The following GRM8 variants were observed in gnomAD, a reference collection of about 807,000 sequenced individuals.
GRM8 encodes metabotropic glutamate receptor 8.
A neutral mutation model predicts 87.2 loss-of-function variants in GRM8; 47 were observed. The ratio of observed to expected loss-of-function variants is 0.54; its 90% CI spans 0.43 to 0.69. GRM8 has a LOEUF of 0.69. GRM8 is among the 30% of genes least tolerant of loss of function. GRM8 has a pLI of 0.00. For missense variants in GRM8, 1,019 were observed against 1,139.2 expected (o/e 0.89, Z 1.52); for synonymous variants, 396 against 404.5 (o/e 0.98, Z 0.25).
At chr7:126,787,721 A>C (rs1415578708) in intron 6 of GRM8, among the ~76,000 whole-genome samples, 1 of 151,486 alleles carries the variant, frequency 6.6e-6, no homozygotes, top group Non-Finnish European at 1.5e-5. Flanking sequence ...CTTCTTCATA[A>C]CCTTCTCTTG....
At chr7:127,092,768 C>T (rs924789969) in intron 3 of GRM8, among the ~76,000 whole-genome samples, 2 of 152,200 alleles carry the variant, frequency 1.3e-5, no homozygotes, top group African/African-American at 2.4e-5. Context: ...AGGACATGCA[C>T]GGATTCCAGG....
chr7:126,889,682 C>A (rs1396630811), intron 6 of GRM8, among the ~76,000 whole-genome samples: 2 of 152,006 alleles, frequency 1.3e-5, no homozygotes, highest in South Asian at 2.1e-4. Context: ...TTTAATAAAT[C>A]AAATCACATT....
intron 2 of GRM8, among the ~76,000 whole-genome samples, chr7:127,166,880 A>T (rs1416589376): frequency 6.6e-6 from 1 of 152,174 alleles, no homozygotes; most frequent in African/African-American, 2.4e-5. Flanking sequence ...GTCACCTTCA[A>T]GTGCCCTCTG....
intron 9 of GRM8, among the ~76,000 whole-genome samples, chr7:126,527,167 T>G (rs1166845994): frequency 6.6e-6 from 1 of 152,170 alleles, no homozygotes; most frequent in Non-Finnish European, 1.5e-5. Flanking sequence ...GAGACCAGCC[T>G]GGCCAATATG....
chr7:126,744,579 A>G (rs1018186118), intron 7 of GRM8, among the ~76,000 whole-genome samples: 5 of 152,064 alleles, frequency 3.3e-5, no homozygotes, highest in African/African-American at 1.2e-4. Context: ...CAAAGCTTCT[A>G]TGATTAAAAT....
intron 2 of GRM8, among the ~76,000 whole-genome samples, chr7:127,193,022 C>T (rs967235289): frequency 4.6e-5 from 7 of 152,186 alleles, no homozygotes; most frequent in Admixed American, 3.9e-4. Context: ...AGAAACAATA[C>T]TTTTAATTTC....
intron 7 of GRM8, among the ~76,000 whole-genome samples, chr7:126,686,619 C>T (rs576720447): frequency 2.8e-4 from 42 of 152,256 alleles, no homozygotes; most frequent in African/African-American, 9.9e-4. Flanking sequence ...CTGCCTGCCC[C>T]GCAGCAGCAG....
chr7:126,985,379 A>G (rs1811953678), intron 3 of GRM8, among the ~76,000 whole-genome samples: 1 of 152,228 alleles, frequency 6.6e-6, no homozygotes, highest in South Asian at 2.1e-4. Flanking sequence ...GATAAAAAAT[A>G]AAAAGAGAAA....
At chr7:127,084,220 C>T (rs563748042) in intron 3 of GRM8, 1 of 152,180 alleles carries the variant, frequency 6.6e-6, no homozygotes, top group South Asian at 2.1e-4. Flanking sequence ...GTTTCTCAAC[C>T]TCTAAACAGA....
intron 3 of GRM8, among the ~76,000 whole-genome samples, chr7:126,907,051 G>A (rs1489484801): frequency 3.3e-5 from 5 of 151,576 alleles, no homozygotes; most frequent in Admixed American, 1.3e-4. Flanking sequence ...AAACTAAAAA[G>A]AAAGAAGAAG....
intron 2 of GRM8, among the ~76,000 whole-genome samples, chr7:127,139,365 C>T (rs1235779320): frequency 1.3e-5 from 2 of 152,092 alleles, no homozygotes; most frequent in African/African-American, 4.8e-5. Flanking sequence ...CAAACTATGA[C>T]AGTCACAGTA....
At chr7:126,827,999 T>C (rs561161523) in intron 6 of GRM8, among the ~76,000 whole-genome samples, 12 of 152,378 alleles carry the variant, frequency 7.9e-5, no homozygotes, top group African/African-American at 2.4e-4. Context: ...GTTCTGTTTA[T>C]ATGCTGGATT....
intron 7 of GRM8, among the ~76,000 whole-genome samples, chr7:126,656,299 T>A (rs991988268): frequency 2.0e-5 from 3 of 152,174 alleles, no homozygotes; most frequent in African/African-American, 7.2e-5. Flanking sequence ...AAAGCCAGCC[T>A]TGACGGCCTG....
intron 7 of GRM8, among the ~76,000 whole-genome samples, chr7:126,638,368 A>G (rs1015688273): frequency 9.9e-5 from 15 of 151,666 alleles, no homozygotes; most frequent in Admixed American, 7.2e-4. Flanking sequence ...CACTATTAGC[A>G]TAACTATTTG....
chr7:126,593,714 A>G (rs1796901916), intron 8 of GRM8, among the ~76,000 whole-genome samples: 1 of 152,156 alleles, frequency 6.6e-6, no homozygotes, highest in African/African-American at 2.4e-5. Flanking sequence ...TGTGACTCCA[A>G]AAGCACAGAA....
chr7:126,892,452 C>T (rs1801134277), intron 6 of GRM8, among the ~76,000 whole-genome samples: 1 of 152,076 alleles, frequency 6.6e-6, no homozygotes. Flanking sequence ...CATGTCCCTA[C>T]AAAGGACATG....
intron 8 of GRM8, among the ~76,000 whole-genome samples, chr7:126,556,540 G>A (rs866375757): frequency 3.8e-4 from 58 of 151,958 alleles, no homozygotes; most frequent in African/African-American, 6.5e-4. Flanking sequence ...ACAGCTACTC[G>A]GGAGGCTGAG....
intron 6 of GRM8, among the ~76,000 whole-genome samples, chr7:126,862,774 T>A (rs1798241568): frequency 6.6e-6 from 1 of 152,126 alleles, no homozygotes; most frequent in African/African-American, 2.4e-5. Context: ...CTCTCAGAAT[T>A]TAAAAATCTT....
intron 7 of GRM8, among the ~76,000 whole-genome samples, chr7:126,642,644 A>T (rs931877531): frequency 2.0e-5 from 3 of 151,950 alleles, no homozygotes; most frequent in African/African-American, 7.2e-5. Flanking sequence ...CATCTAAAAA[A>T]AATAATAATA....
Sources: allele counts gnomAD v4.1 joint callset (sites outside exome capture counted in the v4.1 genomes callset), GRCh38; gene constraint gnomAD v4.1.1; transcripts MANE v1.5; gene names NCBI Gene and HGNC (gene_info 2026-07-23, HGNC 2026-07-21).